The following SLCO3A1 variants were observed in gnomAD, a reference collection of about 807,000 sequenced individuals.
The protein encoded by SLCO3A1 is solute carrier organic anion transporter family member 3A1.
SLCO3A1 carries 27 observed loss-of-function variants against 63.1 expected under a neutral mutation model. That is an observed-to-expected ratio of 0.43 (90% confidence interval 0.32 to 0.59). The LOEUF is 0.59. Ranked by LOEUF, SLCO3A1 falls within the 20% of genes least tolerant of loss-of-function variation. The pLI is 0.09. For missense variants in SLCO3A1, 773 were observed against 945.8 expected (o/e 0.82, Z 2.40); for synonymous variants, 473 against 409.9 (o/e 1.15, Z -1.86).
At chr15:92,131,055 T>C (rs1041707834) in intron 7 of SLCO3A1, among the ~76,000 whole-genome samples, 8 of 152,134 alleles carry the variant, frequency 5.3e-5, no homozygotes, top group Non-Finnish European at 1.0e-4. Flanking sequence ...TATTATCTCA[T>C]TGATCCTCCC....
chr15:92,119,662 A>G (rs190551561), intron 4 of SLCO3A1, among the ~76,000 whole-genome samples: 216 of 152,276 alleles, frequency 1.4e-3, no homozygotes, highest in African/African-American at 4.8e-3. Flanking sequence ...GGAGGGTGGG[A>G]AGAGGAGGGG....
In SLCO3A1 at chr15:91,926,596, T is replaced by TGTGTGTGTGTGTGG; in HGVS notation, c.646+10139_646+10140insTGTGTGTGTGTGGG. ...GTGTGTGTGTGTGTGTGTGTGTGTG[T>TGTGTGTGTGTGTGG]GCGCGCGCGCACGCCCATGCTTATT... is the stretch of plus-strand genomic sequence containing the variant. On this transcript the variant is annotated intron_variant, in intron 2 of 9. Coordinates refer to ENST00000318445, the MANE Select transcript of SLCO3A1 (RefSeq NM_013272.4). Among the ~76,000 whole-genome samples the TGTGTGTGTGTGTGG allele has an allele frequency of 1.4e-3, 146 of 105,318 alleles. 1 individual carries two copies. The highest frequency in any genetic ancestry group is 4.9e-3 in the African/African-American group (133 of 27,398). The allele number at this position is 105,318 out of a possible 152,430, so 69.1% of individuals were successfully genotyped here. A position where few individuals can be genotyped will look rare whatever the true frequency, so the allele number is the denominator to read the frequency against.
At chr15:91,984,605 C>T (rs777049782) in intron 2 of SLCO3A1, among the ~76,000 whole-genome samples, 12 of 152,074 alleles carry the variant, frequency 7.9e-5, no homozygotes, top group Non-Finnish European at 1.0e-4. Flanking sequence ...AATAATCAAA[C>T]GTACATAAAA....
chr15:92,016,197 A>G (rs943453092), intron 2 of SLCO3A1, among the ~76,000 whole-genome samples: 4 of 140,364 alleles, frequency 2.8e-5, no homozygotes, highest in Admixed American at 1.5e-4. Context: ...TGTTGTATAT[A>G]TATTTATATA....
chr15:92,041,948 G>A (rs1415677963), intron 2 of SLCO3A1, among the ~76,000 whole-genome samples: 6 of 152,048 alleles, frequency 3.9e-5, no homozygotes, highest in Admixed American at 3.9e-4. Flanking sequence ...GGTGGGGGTG[G>A]GGTGTTATTT....
At chr15:91,987,111 C>T (rs929533448) in intron 2 of SLCO3A1, among the ~76,000 whole-genome samples, 2 of 152,112 alleles carry the variant, frequency 1.3e-5, no homozygotes, top group African/African-American at 4.8e-5. Context: ...ACAGATTTGA[C>T]ATTTTCTAGG....
At chr15:91,918,512 G>T (rs1226775037) in intron 2 of SLCO3A1, among the ~76,000 whole-genome samples, 1 of 152,176 alleles carries the variant, frequency 6.6e-6, no homozygotes, top group African/African-American at 2.4e-5. Context: ...TGTTTATCGG[G>T]ATCAGGAGAG....
chr15:92,164,439 G>C lies in SLCO3A1; in HGVS notation c.*1304G>C, dbSNP rs1394519530. 28 of 985,322 alleles carry C rather than the reference G, an allele frequency of 2.8e-5. No individual in the cohort carries two copies. Among genetic ancestry groups the C allele is most frequent in the Non-Finnish European group, 3.1e-5 (26 of 829,948 alleles). 61.0% of individuals were successfully genotyped at this position (985,322 alleles called of 1,614,324 possible). Reference sequence around the variant, plus strand: ...TTTTAGCTTCCTTCCCCATGATTCAGTGATCACTGTCACGGGAAACCCTTT... The same window carrying C: ...TTTTAGCTTCCTTCCCCATGATTCACTGATCACTGTCACGGGAAACCCTTT... On this transcript the variant is annotated 3_prime_UTR_variant, in exon 10 of 10. Transcript: ENST00000318445.
chr15:91,898,838 G>T (rs928217825), intron 1 of SLCO3A1, among the ~76,000 whole-genome samples: 3 of 152,244 alleles, frequency 2.0e-5, no homozygotes, highest in Non-Finnish European at 4.4e-5. Flanking sequence ...GGACAATTAG[G>T]AAGAAATGTC....
chr15:91,951,014 G>A (rs533318419), intron 2 of SLCO3A1, among the ~76,000 whole-genome samples: 111 of 152,196 alleles, frequency 7.3e-4, no homozygotes, highest in Non-Finnish European at 1.1e-3. Context: ...TTCCCTGGGG[G>A]TGATGTGGCT....
chr15:91,994,148 G>A (rs1268062256), intron 2 of SLCO3A1, among the ~76,000 whole-genome samples: 1 of 152,134 alleles, frequency 6.6e-6, no homozygotes, highest in African/African-American at 2.4e-5. Context: ...AATCTATTAT[G>A]TAGCAATACA....
chr15:92,171,741 C>A, intron 10 of SLCO3A1: 1 of 1,428,466 alleles, frequency 7.0e-7, no homozygotes, highest in Non-Finnish European at 9.7e-7. Context: ...AGACCGATCT[C>A]TTTTTCCTCT....
intron 2 of SLCO3A1, among the ~76,000 whole-genome samples, chr15:92,055,663 C>G (rs1198404559): frequency 6.6e-6 from 1 of 152,162 alleles, no homozygotes; most frequent in African/African-American, 2.4e-5. Context: ...CCATGGCAGA[C>G]AAGAGAAAGA....
At chr15:92,071,938 G>A (rs2047220383) in intron 2 of SLCO3A1, among the ~76,000 whole-genome samples, 1 of 152,200 alleles carries the variant, frequency 6.6e-6, no homozygotes, top group Non-Finnish European at 1.5e-5. Context: ...AGAACCTAAG[G>A]AGGCCTCTCA....
In SLCO3A1 at chr15:91,942,618, C is replaced by G. The variant is rs1473414542; in HGVS notation, c.646+26160C>G. Among the ~76,000 whole-genome samples the G allele has an allele frequency of 1.3e-5, 2 of 152,220 alleles. No homozygotes were observed. The highest frequency in any genetic ancestry group is 2.9e-5 in the Non-Finnish European group (2 of 68,034). On this transcript the variant is annotated intron_variant, in intron 2 of 9. Coordinates refer to ENST00000318445, the MANE Select transcript of SLCO3A1 (RefSeq NM_013272.4). The surrounding 1 kb of genome is among the most constrained non-coding windows in gnomAD (Gnocchi z 4.1). ...GTTTGTTTCGAGACCGAGTCTTGCT[C>G]TGTCGACCAGGCTGGATTGCAGTGG...
At chr15:92,004,339 A>G (rs771051511) in intron 2 of SLCO3A1, among the ~76,000 whole-genome samples, 1 of 152,214 alleles carries the variant, frequency 6.6e-6, no homozygotes, top group Non-Finnish European at 1.5e-5. Context: ...TGTCCGTCTC[A>G]TGGAACTGTT....
chr15:92,112,894 A>G (rs747029647), intron 4 of SLCO3A1, among the ~76,000 whole-genome samples: 1 of 152,168 alleles, frequency 6.6e-6, no homozygotes, highest in Non-Finnish European at 1.5e-5. Context: ...GAATGTCAGT[A>G]TTTCTCTTTC....
At chr15:91,869,328 G>A (rs1440411850) in intron 1 of SLCO3A1, among the ~76,000 whole-genome samples, 1 of 152,044 alleles carries the variant, frequency 6.6e-6, no homozygotes, top group African/African-American at 2.4e-5. Flanking sequence ...TTGATGTCAG[G>A]AGTTTGAGAA....
At chr15:92,034,649 AGG>A (rs1329820112) in intron 2 of SLCO3A1, among the ~76,000 whole-genome samples, 1 of 151,764 alleles carries the variant, frequency 6.6e-6, no homozygotes, top group Admixed American at 6.6e-5. Context: ...AAGTATTTCC[AGG>A]AGGAAGCAGG....
Sources: allele counts gnomAD v4.1 joint callset (sites outside exome capture counted in the v4.1 genomes callset), GRCh38; gene constraint gnomAD v4.1.1; non-coding constraint Gnocchi (gnomAD v3.1); transcripts MANE v1.5; gene names NCBI Gene and HGNC (gene_info 2026-07-23, HGNC 2026-07-21).